The following ZNF638 variants were observed in gnomAD, a reference collection of about 807,000 sequenced individuals.
The protein encoded by ZNF638 is zinc finger protein 638, also known as CTCL tumor antigen se33-1.
A neutral mutation model predicts 195.6 loss-of-function variants in ZNF638; 46 were observed. The ratio of observed to expected loss-of-function variants is 0.24; its 90% CI spans 0.19 to 0.30. The LOEUF (loss-of-function observed/expected upper bound fraction) is 0.30, where lower values mean the gene tolerates loss of function less well. Ranked by LOEUF, ZNF638 falls within the 10% of genes least tolerant of loss-of-function variation. ZNF638 has a pLI of 1.00. For missense variants in ZNF638, 2,440 were observed against 2,325.3 expected (o/e 1.05, Z -1.01); for synonymous variants, 845 against 772.0 (o/e 1.09, Z -1.57).
At chr2:71,411,044 C>T (rs1238084695) in intron 20 of ZNF638, among the ~76,000 whole-genome samples, 2 of 122,992 alleles carry the variant, frequency 1.6e-5, no homozygotes, top group African/African-American at 6.2e-5. Context: ...GTTGTCCAGG[C>T]TGGAGTGCAG....
intron 1 of ZNF638, among the ~76,000 whole-genome samples, chr2:71,343,927 G>T (rs764752943): frequency 6.8e-5 from 8 of 117,900 alleles, no homozygotes; most frequent in African/African-American, 1.1e-4. Context: ...TCAGGAGATC[G>T]AGACCATCCT....
At chr2:71,432,848 A>T (rs1355785377) in intron 26 of ZNF638, among the ~76,000 whole-genome samples, 1 of 152,192 alleles carries the variant, frequency 6.6e-6, no homozygotes, top group Admixed American at 6.5e-5. Context: ...ACTTTGGGAG[A>T]CCAAGGCAGG....
Position 71,363,200 on chromosome 2 carries a change from TA to T in ZNF638, c.1418+14del. On this transcript the variant is annotated intron_variant, in intron 4 of 27. Coordinates refer to ENST00000264447, the MANE Select transcript of ZNF638 (RefSeq NM_014497.5). ...ATCCTCCCATCGAGAAGGTAATTTT[TA>T]AAAATAGTAATATTATTAAAACCTG... 1 of 1,558,218 alleles carries T rather than the reference TA, an allele frequency of 6.4e-7. No homozygotes were observed. Among genetic ancestry groups the T allele is most frequent in the Non-Finnish European group, 8.8e-7 (1 of 1,140,468 alleles).
rs747112326 is a variant in ZNF638 at position 71,427,058 on chromosome 2, C to G, written c.5189C>G (p.Pro1730Arg). ...ATTTCTTCTCAGGTGCCCGAAGACCCTTCTACTTTAGTTACTGTAGATGAA... is the reference window on the plus strand; with the variant it reads ...ATTTCTTCTCAGGTGCCCGAAGACCGTTCTACTTTAGTTACTGTAGATGAA... ...GFISSQVPED[P>R]STLVTVDEIQ... The change falls in exon 24 of 28, where the codon CCT becomes CGT. Residue 1730 changes from proline to arginine, a missense_variant. Pro to Arg is a moderately radical substitution (Grantham distance 103). This residue lies in a region of ZNF638 where 1,883 missense variants were observed against 1,739.1 expected (regional missense o/e 1.08). Coordinates refer to ENST00000264447, the MANE Select transcript of ZNF638 (RefSeq NM_014497.5). 6.2e-7 allele frequency: 1 copy of G among 1,614,040 alleles called. No homozygotes were observed. The highest frequency in any genetic ancestry group is 1.1e-5 in the South Asian group (1 of 91,054).
At chr2:71,408,803 G>T (rs1172496610) in intron 20 of ZNF638, 1 of 384,596 alleles carries the variant, frequency 2.6e-6, no homozygotes, top group Non-Finnish European at 5.1e-6. Context: ...CCTTATATGT[G>T]GTGTCCTTGT....
chr2:71,420,397 C>T (rs916734840), intron 21 of ZNF638, among the ~76,000 whole-genome samples: 3 of 152,126 alleles, frequency 2.0e-5, no homozygotes, highest in Non-Finnish European at 2.9e-5. Context: ...ATTAAAGCCA[C>T]AAATAAGAAT....
At chr2:71,362,722 A>G (rs2079130389) in intron 3 of ZNF638, among the ~76,000 whole-genome samples, 2 of 152,152 alleles carry the variant, frequency 1.3e-5, no homozygotes, top group Admixed American at 1.3e-4. Flanking sequence ...TTCTCTCCTG[A>G]TTCCTCTCAG....
intron 15 of ZNF638, 49 bp downstream of exon 15, chr2:71,400,567 CA>C: frequency 6.8e-7 from 1 of 1,480,406 alleles, no homozygotes; most frequent in Non-Finnish European, 9.1e-7. Context: ...GACATTTTAA[CA>C]AAAGATATTT....
At chr2:71,375,502 T>C (rs2079404327) in intron 8 of ZNF638, 1 of 152,228 alleles carries the variant, frequency 6.6e-6, no homozygotes, top group South Asian at 2.1e-4. Flanking sequence ...AAATGAGTTT[T>C]TGTTTTCTTT....
intron 1 of ZNF638, among the ~76,000 whole-genome samples, chr2:71,347,850 C>G (rs1331505202): frequency 6.6e-6 from 1 of 152,152 alleles, no homozygotes; most frequent in East Asian, 1.9e-4. Context: ...ATTACTGGAC[C>G]AGATAACCTT....
In ZNF638 at chr2:71,356,572, C is replaced by T. The variant is rs374888866; in HGVS notation, c.1379+792C>T. On this transcript the variant is annotated intron_variant, in intron 3 of 27. Transcript: ENST00000264447. ...TGGAAGGCTGAGACAGGTAGGCTTG[C>T]TTGAGCTCAGGAGTTCAGCCTGGCC... Among the ~76,000 whole-genome samples the T allele has an allele frequency of 5.3e-5, 8 of 152,208 alleles. 1 individual carries two copies. The highest frequency in any genetic ancestry group is 1.9e-4 in the African/African-American group (8 of 41,540).
chr2:71,368,840 C>A (rs560353795), intron 7 of ZNF638, among the ~76,000 whole-genome samples: 2 of 152,330 alleles, frequency 1.3e-5, no homozygotes, highest in South Asian at 4.1e-4. Flanking sequence ...AATGCGCAAG[C>A]ATGGCTGTGT....
intron 9 of ZNF638, 28 bp from the exon 10 acceptor site, chr2:71,380,485 C>G (rs766020032): frequency 1.3e-6 from 2 of 1,566,312 alleles, no homozygotes; most frequent in South Asian, 2.4e-5. Flanking sequence ...TCCTAAGTTG[C>G]TGCTAAATTT....
intron 3 of ZNF638, among the ~76,000 whole-genome samples, chr2:71,362,114 G>A (rs1242215690): frequency 6.6e-6 from 1 of 152,220 alleles, no homozygotes; most frequent in Non-Finnish European, 1.5e-5. Flanking sequence ...AGTTGAGAGT[G>A]AAGATACAGC....
chr2:71,388,411 A>G (rs1028714559), intron 10 of ZNF638: 1 of 672,752 alleles, frequency 1.5e-6, no homozygotes, highest in Non-Finnish European at 2.7e-6. Flanking sequence ...ATCCGCGTGC[A>G]GGACTGCTCC....
intron 8 of ZNF638, among the ~76,000 whole-genome samples, chr2:71,376,924 A>G (rs113901724): frequency 6.6e-5 from 10 of 152,274 alleles, no homozygotes; most frequent in East Asian, 5.8e-4. Flanking sequence ...ATGAAAGCAA[A>G]CATTCTTTTT....
rs1236398476 is a variant in ZNF638 at position 71,406,194 on chromosome 2, T to C, written c.3067T>C (p.Cys1023Arg). 6.8e-6 allele frequency: 11 copies of C among 1,613,630 alleles called. No individual in the cohort carries two copies. The highest frequency in any genetic ancestry group is 9.3e-6 in the Non-Finnish European group (11 of 1,179,620). The change falls in exon 19 of 28, where the codon TGT (cysteine) becomes CGT (arginine). Residue 1023 changes from cysteine (C) to arginine (R), a missense_variant. This residue lies in a region of ZNF638 where 1,883 missense variants were observed against 1,739.1 expected (regional missense o/e 1.08). Transcript: ENST00000264447. ...LDNLPEDGLQ[C>R]VLCVGLQFGK... ...TAATTTACCGGAAGATGGACTTCAG[T>C]GTGTACTTTGTGTTGGACTTCAGTT... is the stretch of plus-strand genomic sequence containing the variant.
rs377554362 is a variant in ZNF638 at position 71,432,679 on chromosome 2, G to A, written c.5753-486G>A. Among the ~76,000 whole-genome samples the A allele has an allele frequency of 3.4e-5, 5 of 148,734 alleles. No individual in the cohort carries two copies. In the South Asian group the frequency reaches 8.4e-4, roughly 25 times the overall value. Reference sequence around the variant, plus strand: ...CTGGAATAGTATAGAATGTGTTAACGAAATAAAGACTTACGTTTTCTGATT... The same window carrying A: ...CTGGAATAGTATAGAATGTGTTAACAAAATAAAGACTTACGTTTTCTGATT... On this transcript the variant is annotated intron_variant, in intron 26 of 27. Coordinates refer to ENST00000264447, the MANE Select transcript of ZNF638 (RefSeq NM_014497.5).
chr2:71,423,130 A>G lies in ZNF638; in HGVS notation c.3616A>G (p.Asn1206Asp), dbSNP rs2080466909. 6.2e-7 allele frequency: 1 copy of G among 1,614,122 alleles called. No homozygotes were observed. The highest frequency in any genetic ancestry group is 8.5e-7 in the Non-Finnish European group (1 of 1,179,990). The change falls in exon 22 of 28, where the codon AAC becomes GAC. Residue 1206 changes from asparagine to aspartate, a missense_variant. By Grantham distance (23) the Asn-to-Asp change is conservative (BLOSUM62 1). This residue lies in a region of ZNF638 where 1,883 missense variants were observed against 1,739.1 expected (regional missense o/e 1.08). Coordinates refer to ENST00000264447, the MANE Select transcript of ZNF638 (RefSeq NM_014497.5). ...GTGTGCTTTAAATCAGCAGATGTTT[A>G]ACAGTGACTTGGAGAAGAAAGGGGC... ...EECALNQQMF[N>D]SDLEKKGAEI... is the part of the protein sequence containing the mutation.
Sources: allele counts gnomAD v4.1 joint callset (sites outside exome capture counted in the v4.1 genomes callset), GRCh38; gene constraint gnomAD v4.1.1; regional missense constraint gnomAD v4.1.1; transcripts MANE v1.5; gene names NCBI Gene and HGNC (gene_info 2026-07-23, HGNC 2026-07-21).